Variants in TEX11 observed in about 807,000 individuals in gnomAD.
TEX11 encodes the protein testis expressed 11, also known as testis-expressed protein 11.
TEX11 carries 7 observed loss-of-function variants against 84.4 expected under a neutral mutation model. The ratio of observed to expected loss-of-function variants is 0.08; its 90% CI spans 0.05 to 0.16. The LOEUF (loss-of-function observed/expected upper bound fraction) is 0.16. TEX11 is among the 10% of genes least tolerant of loss of function. The pLI is 1.00. For synonymous variants in TEX11, 264 were observed against 222.8 expected, an observed-to-expected ratio of 1.18 and a Z score of -1.64; for missense variants, 551 against 660.5, an observed-to-expected ratio of 0.83 and a Z score of 1.82.
At chrX:70,828,963 G>GA (rs931406925) in intron 8 of TEX11, among the ~76,000 whole-genome samples, 18 of 110,018 alleles carry the variant, frequency 1.6e-4, no homozygotes, top group South Asian at 3.9e-4. Context: ...TGCTGAAGGA[G>GA]AAAAAAAAAT....
chrX:70,571,079 C>T (rs1000819380), intron 25 of TEX11, among the ~76,000 whole-genome samples: 3 of 111,378 alleles, frequency 2.7e-5, no homozygotes, highest in East Asian at 2.8e-4. Flanking sequence ...ATTGTAGTGG[C>T]GTGATCTTGG....
chrX:70,769,679 G>A (rs1373477441), intron 9 of TEX11, among the ~76,000 whole-genome samples: 1 of 111,560 alleles, frequency 9.0e-6, no homozygotes, highest in Non-Finnish European at 1.9e-5. Context: ...CTTAAAGGAG[G>A]TCCTGAGGCT....
intron 9 of TEX11, among the ~76,000 whole-genome samples, chrX:70,769,457 CA>C (rs768749233): frequency 2.7e-5 from 3 of 111,683 alleles, no homozygotes; most frequent in Non-Finnish European, 5.7e-5. Flanking sequence ...TATGTGCCCT[CA>C]AACAAGTCTC....
intron 20 of TEX11, among the ~76,000 whole-genome samples, chrX:70,616,749 T>C (rs1485146258): frequency 8.9e-6 from 1 of 111,840 alleles, no homozygotes; most frequent in Non-Finnish European, 1.9e-5. Flanking sequence ...TGGAGGTCAT[T>C]ATGTTAAATG....
intron 9 of TEX11, among the ~76,000 whole-genome samples, chrX:70,750,966 A>ATAT (rs1411833714): frequency 4.7e-5 from 4 of 84,483 alleles, no homozygotes; most frequent in East Asian, 4.2e-4. Flanking sequence ...ATATATATAT[A>ATAT]AAAGTCAGGA....
At position 70,848,393 on chromosome X, in the gene TEX11, C is replaced by T. The variant is rs748696781; in HGVS notation, c.525+4641G>A. Reference sequence around the variant, plus strand: ...CTGGAATATTCTGTGCCCTCTTCCCCACTTTCCTAAGTCTGTTTCTTCCTT... The same window carrying T: ...CTGGAATATTCTGTGCCCTCTTCCCTACTTTCCTAAGTCTGTTTCTTCCTT... On this transcript the variant is annotated intron_variant, in intron 7 of 29. Transcript: ENST00000374333. Among the ~76,000 whole-genome samples, 10 of 111,790 alleles carry T rather than the reference C, an allele frequency of 8.9e-5. No individual in the cohort carries two copies. The South Asian group carries it at 3.4e-3, about 38-fold the overall frequency.
chrX:70,784,654 A>G (rs1217166581), intron 9 of TEX11, among the ~76,000 whole-genome samples: 5 of 111,755 alleles, frequency 4.5e-5, no homozygotes, highest in African/African-American at 1.6e-4. Flanking sequence ...AAATCAATGT[A>G]CAAAAATCAC....
chrX:70,606,827 C>T (rs1440443697), intron 23 of TEX11, 132 bp downstream of exon 23: 3 of 358,736 alleles, frequency 8.4e-6, no homozygotes, highest in Non-Finnish European at 9.6e-6. Context: ...TTAGGTCATT[C>T]CTGCTTACAT....
intron 5 of TEX11, among the ~76,000 whole-genome samples, chrX:70,855,005 G>A (rs1289546731): frequency 2.7e-5 from 3 of 109,956 alleles, no homozygotes; most frequent in Non-Finnish European, 3.8e-5. Flanking sequence ...CCAAGATCGC[G>A]CCATTGCACT....
In TEX11 at chrX:70,714,153, G is replaced by C. The variant is rs775267645; in HGVS notation, c.1004+8465C>G. Among the ~76,000 whole-genome samples the C allele has an allele frequency of 4.0e-3, 442 of 111,734 alleles. 2 individuals carry two copies. The highest frequency in any genetic ancestry group is 0.014 in the African/African-American group (429 of 30,804). On this transcript the variant is annotated intron_variant, in intron 13 of 29. Coordinates refer to ENST00000374333, the MANE Select transcript of TEX11 (RefSeq NM_031276.3). ...CTAGTTTCATTGCACTGTGGTCTGA[G>C]AGACAGTTTGTTATAATTTCTGTTC...
chrX:70,565,250 G>GTT (rs749188458), intron 25 of TEX11, among the ~76,000 whole-genome samples: 3 of 104,401 alleles, frequency 2.9e-5, no homozygotes, highest in Admixed American at 1.0e-4. Flanking sequence ...TTTTGATGGG[G>GTT]TTTTTTTTTT....
intron 10 of TEX11, among the ~76,000 whole-genome samples, chrX:70,743,686 G>T (rs896652212): frequency 9.0e-6 from 1 of 110,608 alleles, no homozygotes; most frequent in Non-Finnish European, 1.9e-5. Context: ...GACCAGCCTG[G>T]CCAACATGGC....
intron 2 of TEX11, among the ~76,000 whole-genome samples, chrX:70,907,140 AT>A (rs2091838158): frequency 8.9e-6 from 1 of 112,283 alleles, no homozygotes; most frequent in East Asian, 2.8e-4. Context: ...ACGGATGATT[AT>A]GGAAAGGAAC....
chrX:70,519,252 G>A, the TEX11 span, among the ~76,000 whole-genome samples: 7 of 111,800 alleles, frequency 6.3e-5, no homozygotes, highest in East Asian at 1.7e-3. Context: ...GGCTGGTACG[G>A]GTTGTTCCTT....
At chrX:70,801,665 CT>C (rs1254950053) in intron 9 of TEX11, among the ~76,000 whole-genome samples, 9 of 50,875 alleles carry the variant, frequency 1.8e-4, no homozygotes, top group Admixed American at 3.1e-4. Flanking sequence ...TTCTTTCTTT[CT>C]TTCTTTCTTT....
chrX:70,710,434 T>C (rs2147697919), intron 13 of TEX11, among the ~76,000 whole-genome samples: 1 of 111,703 alleles, frequency 9.0e-6, no homozygotes, highest in South Asian at 3.7e-4. Flanking sequence ...CAAATAAATT[T>C]ACATCTAGGA....
intron 9 of TEX11, among the ~76,000 whole-genome samples, chrX:70,752,619 C>T (rs966294560): frequency 1.8e-5 from 2 of 108,420 alleles, no homozygotes; most frequent in Admixed American, 9.9e-5. Flanking sequence ...AAAATATTCA[C>T]CTAAGATCAG....
intron 13 of TEX11, among the ~76,000 whole-genome samples, chrX:70,686,492 C>T (rs1250748982): frequency 5.4e-5 from 6 of 110,713 alleles, no homozygotes; most frequent in African/African-American, 1.6e-4. Flanking sequence ...ACAATGAGAA[C>T]ATATGGAGAC....
chrX:70,544,626 G>A (rs1393896326), intron 28 of TEX11, among the ~76,000 whole-genome samples: 1 of 109,683 alleles, frequency 9.1e-6, no homozygotes, highest in African/African-American at 3.3e-5. Flanking sequence ...GATCACTTGA[G>A]GTCAGGAGTT....
Sources: allele counts gnomAD v4.1 joint callset (sites outside exome capture counted in the v4.1 genomes callset), GRCh38; gene constraint gnomAD v4.1.1; transcripts MANE v1.5; gene names NCBI Gene and HGNC (gene_info 2026-07-23, HGNC 2026-07-21).